LIN54: variants seen among roughly 807,000 people sequenced by gnomAD.
The protein encoded by LIN54 is protein lin-54 homolog.
A neutral mutation model predicts 78.7 loss-of-function variants in LIN54; 9 were observed. The ratio of observed to expected loss-of-function variants is 0.11; its 90% CI spans 0.07 to 0.20. LIN54 has a LOEUF of 0.20. LIN54 is among the 10% of genes least tolerant of loss of function. The pLI, the probability that LIN54 is intolerant of heterozygous loss-of-function variation, is 1.00. For synonymous variants in LIN54, 269 were observed against 318.4 expected, an observed-to-expected ratio of 0.84 and a Z score of 1.65; for missense variants, 573 against 889.9, an observed-to-expected ratio of 0.64 and a Z score of 4.53.
intron 3 of LIN54, among the ~76,000 whole-genome samples, chr4:82,974,428 A>G (rs1435646989): frequency 6.6e-6 from 1 of 152,032 alleles, no homozygotes; most frequent in East Asian, 1.9e-4. Context: ...GCTAAGTGAA[A>G]TAAGCCAATC....
At chr4:82,951,925 A>T (rs546844608) in intron 4 of LIN54, among the ~76,000 whole-genome samples, 1 of 152,312 alleles carries the variant, frequency 6.6e-6, no homozygotes, top group Non-Finnish European at 1.5e-5. Context: ...TCCGTGTGCA[A>T]AACAGTGAAG....
chr4:82,982,516 GCCA>G (rs1274740227), intron 2 of LIN54, among the ~76,000 whole-genome samples: 1 of 152,210 alleles, frequency 6.6e-6, no homozygotes, highest in Non-Finnish European at 1.5e-5. Context: ...AGGTTCGTGA[GCCA>G]CCACACCTGG....
intron 4 of LIN54, among the ~76,000 whole-genome samples, chr4:82,953,005 C>T (rs117923814): frequency 6.6e-6 from 1 of 152,180 alleles, no homozygotes; most frequent in Non-Finnish European, 1.5e-5. Flanking sequence ...GACAAGATGT[C>T]GCTTTGTGGC....
intron 4 of LIN54, among the ~76,000 whole-genome samples, chr4:82,947,853 TGGA>T (rs1380886444): frequency 6.6e-6 from 1 of 152,140 alleles, no homozygotes; most frequent in East Asian, 1.9e-4. Context: ...TGATGTATGA[TGGA>T]GGAAATATGT....
intron 1 of LIN54, among the ~76,000 whole-genome samples, chr4:83,004,716 C>T (rs1645917615): frequency 6.6e-6 from 1 of 151,714 alleles, no homozygotes; most frequent in African/African-American, 2.4e-5. Flanking sequence ...CCAGGCTGGT[C>T]TTGCACTCGT....
At chr4:82,969,336 A>T (rs879714521) in intron 4 of LIN54, among the ~76,000 whole-genome samples, 1 of 152,186 alleles carries the variant, frequency 6.6e-6, no homozygotes, top group South Asian at 2.1e-4. Context: ...ACAATTTTTA[A>T]TGTTTCAGTC....
At chr4:82,991,103 G>C (rs1727651364) in intron 1 of LIN54, among the ~76,000 whole-genome samples, 1 of 139,902 alleles carries the variant, frequency 7.1e-6, no homozygotes, top group African/African-American at 2.6e-5. Context: ...CAAGGCTGCA[G>C]TGCACCACTG....
chr4:82,986,337 A>C (rs1326529939), intron 1 of LIN54, among the ~76,000 whole-genome samples: 1 of 152,042 alleles, frequency 6.6e-6, no homozygotes, highest in Non-Finnish European at 1.5e-5. Context: ...GGCTGGTCTC[A>C]AACTCCCAAC....
intron 9 of LIN54, 78 bp from the exon 10 acceptor site, chr4:82,936,459 A>C (rs866138857): frequency 9.6e-6 from 7 of 725,566 alleles, no homozygotes; most frequent in African/African-American, 5.4e-5. Context: ...TACATTGTAT[A>C]TATATTGTAC....
intron 1 of LIN54, among the ~76,000 whole-genome samples, chr4:82,993,518 A>G (rs1172083772): frequency 1.3e-5 from 2 of 151,664 alleles, no homozygotes; most frequent in Admixed American, 1.3e-4. Context: ...GCGCCCGGCT[A>G]GAATCTTAAG....
At chr4:82,980,372 G>C (rs1726531916) in intron 2 of LIN54, among the ~76,000 whole-genome samples, 1 of 151,994 alleles carries the variant, frequency 6.6e-6, no homozygotes, top group South Asian at 2.1e-4. Context: ...TGACTCAAAT[G>C]AAAAAATATG....
intron 10 of LIN54, 53 bp downstream of exon 10, chr4:82,936,226 A>G (rs1445060362): frequency 2.8e-5 from 42 of 1,521,596 alleles, no homozygotes; most frequent in Non-Finnish European, 3.6e-5. Context: ...GAGTTTTATA[A>G]AACTGATGAA....
intron 4 of LIN54, among the ~76,000 whole-genome samples, chr4:82,960,797 T>C (rs1471383272): frequency 6.6e-6 from 1 of 152,162 alleles, no homozygotes; most frequent in African/African-American, 2.4e-5. Context: ...TGGTAGCTCA[T>C]ACATGTAATC....
intron 4 of LIN54, among the ~76,000 whole-genome samples, chr4:82,958,579 T>C (rs924848963): frequency 2.6e-5 from 4 of 152,200 alleles, no homozygotes; most frequent in Non-Finnish European, 5.9e-5. Context: ...CATTTAAAAA[T>C]AAAACTGCTA....
At chr4:82,964,178 G>A (rs915331839) in intron 4 of LIN54, among the ~76,000 whole-genome samples, 16 of 151,972 alleles carry the variant, frequency 1.1e-4, no homozygotes, top group African/African-American at 3.4e-4. Flanking sequence ...AGCCTCCCAA[G>A]TAGCTGGGAC....
chr4:82,963,657 T>C (rs1042381433), intron 4 of LIN54, among the ~76,000 whole-genome samples: 1 of 144,352 alleles, frequency 6.9e-6, no homozygotes, highest in Non-Finnish European at 1.5e-5. Flanking sequence ...AGTCAAAATG[T>C]ATATTTGATT....
chr4:83,006,277 A>T lies in LIN54; in HGVS notation c.-33+4207T>A, dbSNP rs145386361. On this transcript the variant is annotated intron_variant, in intron 1 of 12. Transcript: ENST00000340417. ...ATCCTGGCTAACACGGTGAAACCCC[A>T]TCTGAACTAAAAATACAAAAAATTA... Among the ~76,000 whole-genome samples the T allele has an allele frequency of 6.0e-3, 916 of 152,066 alleles. 10 individuals are homozygous for T. Among genetic ancestry groups the T allele is most frequent in the South Asian group, 0.031 (148 of 4,820 alleles).
In LIN54 at chr4:82,964,670, G is replaced by GA. The variant is rs148530387; in HGVS notation, c.951+5656dup. Among the ~76,000 whole-genome samples the GA allele has an allele frequency of 6.3e-3, 934 of 148,646 alleles. 10 individuals carry two copies. The highest frequency in any genetic ancestry group is 0.022 in the African/African-American group (894 of 40,524). ...AGGATGAGCTTGCTGTTAAGTGAAT[G>GA]AAAAAAAATTTAACCCAGGTGATTA... is the stretch of plus-strand genomic sequence containing the variant. On this transcript the variant is annotated intron_variant, in intron 4 of 12. Transcript: ENST00000340417.
At chr4:82,940,540 G>T (rs755260091) in intron 5 of LIN54, among the ~76,000 whole-genome samples, 12 of 152,246 alleles carry the variant, frequency 7.9e-5, no homozygotes, top group Non-Finnish European at 1.8e-4. Context: ...TTACAGGTGT[G>T]TGCCACCATG....
Sources: allele counts gnomAD v4.1 joint callset (sites outside exome capture counted in the v4.1 genomes callset), GRCh38; gene constraint gnomAD v4.1.1; transcripts MANE v1.5; gene names NCBI Gene and HGNC (gene_info 2026-07-23, HGNC 2026-07-21).